The following NAV3 variants were observed in gnomAD, a reference collection of about 807,000 sequenced individuals.
NAV3 encodes the protein neuron navigator 3.
In NAV3, 87 loss-of-function variants were observed where a neutral mutation model predicts 244.7. The ratio of observed to expected loss-of-function variants is 0.36; its 90% CI spans 0.30 to 0.42. NAV3 has a LOEUF of 0.42. Ranked by LOEUF, NAV3 falls within the 20% of genes least tolerant of loss-of-function variation. The probability of loss-of-function intolerance (pLI) is 1.00; values close to 1 mark genes in which losing one functional copy is unlikely to be tolerated. For synonymous variants in NAV3, 1,126 were observed against 1,042.2 expected, an observed-to-expected ratio of 1.08 and a Z score of -1.55; for missense variants, 2,663 against 2,893.3, an observed-to-expected ratio of 0.92 and a Z score of 1.83.
At chr12:77,658,186 C>T (rs1441695910) in intron 2 of NAV3, among the ~76,000 whole-genome samples, 1 of 152,118 alleles carries the variant, frequency 6.6e-6, no homozygotes, top group Non-Finnish European at 1.5e-5. Context: ...TTGCAGACGA[C>T]ATGATTGTAT....
intron 2 of NAV3, among the ~76,000 whole-genome samples, chr12:77,677,223 C>G (rs1279754494): frequency 6.6e-6 from 1 of 152,096 alleles, no homozygotes; most frequent in African/African-American, 2.4e-5. Flanking sequence ...TAGGCACAGC[C>G]TATAATATGA....
intron 2 of NAV3, among the ~76,000 whole-genome samples, chr12:77,781,628 T>C (rs1384629635): frequency 6.6e-6 from 1 of 152,194 alleles, no homozygotes; most frequent in East Asian, 1.9e-4. Context: ...CCGACCACCT[T>C]GGGCACATGT....
At chr12:77,650,605 A>G (rs903061118) in intron 2 of NAV3, among the ~76,000 whole-genome samples, 2 of 152,152 alleles carry the variant, frequency 1.3e-5, no homozygotes, top group South Asian at 4.1e-4. Flanking sequence ...TACTATTTCT[A>G]TATGTGCTTG....
rs530016002 is a variant in NAV3, at chr12:77,902,169, A to T, written c.244-38150A>T. The stretch of plus-strand genomic sequence containing the variant: ...TTTATTGGTAGTGGAACATCTCTTA[A>T]TTATCTCTCTTACTTAATCATCTGT... On this transcript the variant is annotated intron_variant, in intron 1 of 39. Coordinates refer to ENST00000397909, the MANE Select transcript of NAV3 (RefSeq NM_001024383.2). Among the ~76,000 whole-genome samples, 27 of 152,252 alleles carry T rather than the reference A, an allele frequency of 1.8e-4. No homozygotes were observed. In the South Asian group the frequency reaches 4.1e-3, roughly 23 times the overall value.
chr12:77,746,303 A>T (rs1382884706), intron 2 of NAV3, among the ~76,000 whole-genome samples: 1 of 152,112 alleles, frequency 6.6e-6, no homozygotes, highest in Admixed American at 6.6e-5. Flanking sequence ...ACACAAATGT[A>T]TTAACATGAA....
chr12:77,997,502 C>G (rs1024347113), intron 6 of NAV3, among the ~76,000 whole-genome samples: 2 of 152,172 alleles, frequency 1.3e-5, no homozygotes, highest in African/African-American at 4.8e-5. Flanking sequence ...CAAACCACCT[C>G]TAATTATAAG....
intron 5 of NAV3, among the ~76,000 whole-genome samples, chr12:77,983,477 G>GA (rs1192263973): frequency 2.0e-5 from 3 of 152,080 alleles, no homozygotes; most frequent in Non-Finnish European, 4.4e-5. Context: ...GAGGCAGAGA[G>GA]AAAAAAAGTT....
intron 2 of NAV3, among the ~76,000 whole-genome samples, chr12:77,596,098 G>C (rs1395575358): frequency 6.6e-6 from 1 of 152,138 alleles, no homozygotes; most frequent in African/African-American, 2.4e-5. Context: ...GTGACAATGA[G>C]GCTGGGCTCT....
chr12:77,939,280 C>A (rs180738496), intron 1 of NAV3, among the ~76,000 whole-genome samples: 1 of 152,050 alleles, frequency 6.6e-6, no homozygotes, highest in Non-Finnish European at 1.5e-5. Context: ...CTTTGCCTGT[C>A]GGCTTTTCTA....
At chr12:78,169,862 TC>T (rs1957931680) in intron 24 of NAV3, among the ~76,000 whole-genome samples, 1 of 151,782 alleles carries the variant, frequency 6.6e-6, no homozygotes, top group Non-Finnish European at 1.5e-5. Context: ...ATGTGAAACA[TC>T]CGGTTTTTCT....
At chr12:77,957,090 G>T (rs985148025) in intron 3 of NAV3, among the ~76,000 whole-genome samples, 1 of 152,136 alleles carries the variant, frequency 6.6e-6, no homozygotes, top group Non-Finnish European at 1.5e-5. Flanking sequence ...AGCTTTCTCT[G>T]TATCTGTAGT....
intron 2 of NAV3, among the ~76,000 whole-genome samples, chr12:77,699,775 C>T (rs1215214203): frequency 9.8e-5 from 14 of 143,400 alleles, no homozygotes; most frequent in Non-Finnish European, 6.1e-5. Context: ...TGAGCAAGGC[C>T]ATGTCTGCAT....
At chr12:78,137,436 C>A in intron 19 of NAV3, 71 bp downstream of exon 19, 2 of 1,408,152 alleles carry the variant, frequency 1.4e-6, no homozygotes, top group East Asian at 2.4e-5. Flanking sequence ...TTGTGTCACT[C>A]ACATCACAAA....
In NAV3 at chr12:78,051,164, T is replaced by C. The variant is rs747468161; in HGVS notation, c.2516+17T>C. On this transcript the variant is annotated intron_variant, in intron 11 of 39. Coordinates refer to ENST00000397909, the MANE Select transcript of NAV3 (RefSeq NM_001024383.2). Reference sequence around the variant, plus strand: ...CAACAGTGGGTAAGTAACCCTGTTCTCCGTCAGCATTGTGTGAAGAGGGGA... The same window carrying C: ...CAACAGTGGGTAAGTAACCCTGTTCCCCGTCAGCATTGTGTGAAGAGGGGA... 1 of 1,587,356 alleles carries C rather than the reference T, an allele frequency of 6.3e-7. No homozygotes were observed. Among genetic ancestry groups the C allele is most frequent in the East Asian group, 2.3e-5 (1 of 44,400 alleles).
intron 1 of NAV3, among the ~76,000 whole-genome samples, chr12:77,875,745 T>A (rs910614389): frequency 6.6e-6 from 1 of 152,108 alleles, no homozygotes; most frequent in African/African-American, 2.4e-5. Flanking sequence ...ACATTTCAAA[T>A]ATATTAACAA....
chr12:77,912,287 A>G (rs1272067971), intron 1 of NAV3, among the ~76,000 whole-genome samples: 3 of 152,120 alleles, frequency 2.0e-5, no homozygotes, highest in Non-Finnish European at 4.4e-5. Flanking sequence ...AGACATACAC[A>G]CACAGAGAAA....
At chr12:77,783,638 A>C (rs938590919) in intron 2 of NAV3, 8 of 152,210 alleles carry the variant, frequency 5.3e-5, no homozygotes, top group African/African-American at 1.9e-4. Flanking sequence ...GGAGAAGGGA[A>C]CGTTTAATCT....
At chr12:77,654,652 C>T (rs1872998153) in intron 2 of NAV3, among the ~76,000 whole-genome samples, 1 of 152,188 alleles carries the variant, frequency 6.6e-6, no homozygotes, top group Admixed American at 6.5e-5. Context: ...AGACTGCCTC[C>T]TCAGGTGGGT....
At chr12:77,611,593 T>TAGGG (rs1320105300) in intron 2 of NAV3, among the ~76,000 whole-genome samples, 3 of 151,930 alleles carry the variant, frequency 2.0e-5, no homozygotes, top group Non-Finnish European at 4.4e-5. Flanking sequence ...TTCTACTCCC[T>TAGGG]AGAAGCAACT....
Sources: allele counts gnomAD v4.1 joint callset (sites outside exome capture counted in the v4.1 genomes callset), GRCh38; gene constraint gnomAD v4.1.1; transcripts MANE v1.5; gene names NCBI Gene and HGNC (gene_info 2026-07-23, HGNC 2026-07-21).